BOC: variants seen among roughly 807,000 people sequenced by gnomAD.
BOC encodes the protein brother of CDO.
A neutral mutation model predicts 112.0 loss-of-function variants in BOC; 76 were observed. The ratio of observed to expected loss-of-function variants is 0.68; its 90% CI spans 0.56 to 0.82. BOC has a LOEUF of 0.82. Among genes scored for constraint, BOC ranks in the 40% least tolerant of loss-of-function variants. The pLI is 0.00. For missense variants in BOC, 1,309 were observed against 1,511.7 expected, an observed-to-expected ratio of 0.87 and a Z score of 2.22; for synonymous variants, 580 against 599.8, an observed-to-expected ratio of 0.97 and a Z score of 0.48.
intron 4 of BOC, among the ~76,000 whole-genome samples, chr3:113,264,452 A>G (rs2107581600): frequency 6.6e-6 from 1 of 152,272 alleles, no homozygotes; most frequent in East Asian, 1.9e-4. Context: ...TGCTAACCCT[A>G]TTTGTAATTG....
In BOC at chr3:113,274,680, A is replaced by C. The variant is rs1948481244; in HGVS notation, c.1540A>C (p.Lys514Gln). ...PILYYVVKHRKQVTNSSDDWT... is the reference protein window; with the variant it reads ...PILYYVVKHRQQVTNSSDDWT... ...CCTCTACTATGTGGTGAAACACCGC[A>C]AGGTATGGCCCTGGTGTGGGGCTGC... Residue 514 changes from lysine to glutamine, a missense_variant and splice_region_variant, in exon 9 of 20, where the codon AAG becomes CAG. By Grantham distance (53) the Lys-to-Gln change is moderately conservative. Coordinates refer to ENST00000682979, the MANE Select transcript of BOC (RefSeq NM_001378074.1). The surrounding 1 kb of genome is among the most constrained non-coding windows in gnomAD (Gnocchi z 4.8). 6.3e-7 allele frequency: 1 copy of C among 1,589,802 alleles called. No individual in the cohort carries two copies. The highest frequency in any genetic ancestry group is 1.3e-5 in the African/African-American group (1 of 74,578).
chr3:113,246,389 A>C (rs1944923701), intron 2 of BOC, among the ~76,000 whole-genome samples: 1 of 152,188 alleles, frequency 6.6e-6, no homozygotes, highest in Non-Finnish European at 1.5e-5. Flanking sequence ...TGTTGCCTTC[A>C]CCCAACTTTG....
At chr3:113,258,253 G>C (rs1223434835) in intron 4 of BOC, among the ~76,000 whole-genome samples, 1 of 152,112 alleles carries the variant, frequency 6.6e-6, no homozygotes, top group Non-Finnish European at 1.5e-5. Flanking sequence ...GCCCAGTTCA[G>C]TTTCTCGGAT....
At position 113,272,446 on chromosome 3, in the gene BOC, C is replaced by G. The variant is rs370790157; in HGVS notation, c.704C>G (p.Pro235Arg). ...TAEAARIIYP[P>R]EAQTIIVTKG... ...GAGGCTGCCCGCATCATCTACCCCC[C>G]AGAGGCCCAAACCATCATCGTCACC... Residue 235 changes from proline (P) to arginine (R), a missense_variant, in exon 7 of 20, where the codon CCA (proline) becomes CGA (arginine). By Grantham distance (103) the Pro-to-Arg change is moderately radical. Coordinates refer to ENST00000682979, the MANE Select transcript of BOC (RefSeq NM_001378074.1). The G allele has an allele frequency of 6.2e-7, 1 of 1,614,110 alleles. No individual in the cohort carries two copies. Among genetic ancestry groups the G allele is most frequent in the Admixed American group, 1.7e-5 (1 of 60,026 alleles).
At chr3:113,212,759 T>A (rs942142507) in intron 1 of BOC, 1 of 152,426 alleles carries the variant, frequency 6.6e-6, no homozygotes, top group African/African-American at 2.4e-5. Context: ...CGTGTGTGCG[T>A]GTTCGCGCCA....
chr3:113,265,694 T>C (rs1235281454), intron 4 of BOC, among the ~76,000 whole-genome samples: 1 of 152,246 alleles, frequency 6.6e-6, no homozygotes, highest in Non-Finnish European at 1.5e-5. Flanking sequence ...ATTAGCTATC[T>C]TGGCTGAGAG....
In BOC at chr3:113,283,458, G is replaced by A. The variant is rs371936128; in HGVS notation, c.2482G>A (p.Ala828Thr). The A allele has an allele frequency of 1.9e-5, 31 of 1,613,092 alleles. No individual in the cohort carries two copies. In the Middle Eastern group the frequency reaches 6.6e-4, roughly 34 times the overall value. ...QPGRLPPPTLAPPQPPLPETI... is the reference protein window; with the variant it reads ...QPGRLPPPTLTPPQPPLPETI... The stretch of plus-strand genomic sequence containing the variant: ...TGGTCGACTGCCACCCCCAACTCTG[G>A]CCCCACCACAGCCGCCCCTTCCTGA... Residue 828 changes from alanine (A) to threonine (T), a missense_variant, in exon 16 of 20, where the codon GCC becomes ACC. Coordinates refer to ENST00000682979, the MANE Select transcript of BOC (RefSeq NM_001378074.1).
At chr3:113,250,946 T>C in intron 4 of BOC, 113 bp downstream of exon 4, 1 of 1,332,832 alleles carries the variant, frequency 7.5e-7, no homozygotes, top group Non-Finnish European at 1.0e-6. Context: ...AAATGGGCCT[T>C]AACTGCAGAA....
chr3:113,272,592 C>T lies in BOC; in HGVS notation c.850C>T (p.Leu284Phe), dbSNP rs1003778750. Residue 284 changes from leucine to phenylalanine, a missense_variant, in exon 7 of 20, where the codon CTC (leucine) becomes TTC (phenylalanine). By Grantham distance (22) the Leu-to-Phe change is conservative (BLOSUM62 0). Transcript: ENST00000682979. ...YNKTRFLLSN[L>F]LIDTTSEEDS... ...CAAGACGCGCTTCCTGCTGAGCAACCTCCTCATCGACACCACCAGCGAGGA... is the reference window on the plus strand; with the variant it reads ...CAAGACGCGCTTCCTGCTGAGCAACTTCCTCATCGACACCACCAGCGAGGA... 1 of 1,613,934 alleles carries T rather than the reference C, an allele frequency of 6.2e-7. No individual in the cohort carries two copies. The highest frequency in any genetic ancestry group is 1.3e-5 in the African/African-American group (1 of 74,872).
rs143653499 is a variant in BOC, at chr3:113,287,249, G to A, written c.*387G>A. 2.0e-5 allele frequency: 7 copies of A among 351,778 alleles called. No homozygotes were observed. The East Asian group carries it at 5.3e-4, about 27-fold the overall frequency. The allele number at this position is 351,778 out of a possible 1,614,324, so 21.8% of individuals were successfully genotyped here. A position where few individuals can be genotyped will look rare whatever the true frequency, so the allele number is the denominator to read the frequency against. ...GCATGAGGGAACAGCAAGGGGCACG[G>A]TATCACAGCCTGGAGACACCCACAC... is the stretch of plus-strand genomic sequence containing the variant. On this transcript the variant is annotated 3_prime_UTR_variant, in exon 20 of 20. Transcript: ENST00000682979.
Position 113,278,830 on chromosome 3 carries a change from G to A in BOC, c.1816+47G>A. ...CGGACGCGCAGTCAGGACTGGAACT[G>A]CCTCAGAGGCCTGTTCCCATGGCTG... On this transcript the variant is annotated intron_variant, in intron 11 of 19. Coordinates refer to ENST00000682979, the MANE Select transcript of BOC (RefSeq NM_001378074.1). The surrounding 1 kb of genome is among the most constrained non-coding windows in gnomAD (Gnocchi z 4.2). The A allele has an allele frequency of 6.7e-7, 1 of 1,490,362 alleles. No homozygotes were observed. Among genetic ancestry groups the A allele is most frequent in the Non-Finnish European group, 9.2e-7 (1 of 1,092,860 alleles). The allele number at this position is 1,490,362 out of a possible 1,614,324, so 92.3% of individuals were successfully genotyped here. A position where few individuals can be genotyped will look rare whatever the true frequency, so the allele number is the denominator to read the frequency against.
At chr3:113,271,394 C>A in intron 6 of BOC, 1 of 354,154 alleles carries the variant, frequency 2.8e-6, no homozygotes, top group Non-Finnish European at 5.6e-6. Context: ...TGCCCTGCAC[C>A]ACCCTCTGGT....
Position 113,249,225 on chromosome 3 carries a change from T to TG in BOC, c.-81-496dup, listed in dbSNP as rs554614165. On this transcript the variant is annotated intron_variant, in intron 2 of 19. Transcript: ENST00000682979. The stretch of plus-strand genomic sequence containing the variant: ...GATTCATTCACTTAGTAGCATTCCC[T>TG]GCAAGGGCGTTCTGTATGCATCACA... 4.9e-3 allele frequency among the ~76,000 whole-genome samples: 748 copies of TG among 152,358 alleles called. 2 individuals are homozygous for TG. Among genetic ancestry groups the TG allele is most frequent in the African/African-American group, 0.016 (677 of 41,584 alleles).
Position 113,230,707 on chromosome 3 carries a change from A to G in BOC, c.-82+14433A>G, listed in dbSNP as rs138298321. The stretch of plus-strand genomic sequence containing the variant: ...CTTTTTGTTGTAAATATATGCCTCA[A>G]TCCCATGTTGCAACAAAATCTAGTG... On this transcript the variant is annotated intron_variant, in intron 2 of 19. Transcript: ENST00000682979. 2.0e-3 allele frequency among the ~76,000 whole-genome samples: 303 copies of G among 152,340 alleles called. 2 individuals are homozygous for G. The highest frequency in any genetic ancestry group is 7.0e-3 in the African/African-American group (291 of 41,576).
chr3:113,273,365 G>T (rs1202381893), intron 8 of BOC, 24 bp downstream of exon 8: 1 of 1,562,754 alleles, frequency 6.4e-7, no homozygotes, highest in Non-Finnish European at 8.7e-7. Flanking sequence ...AGGGGTCTGA[G>T]ATTCCAGCTG....
In BOC at chr3:113,281,049, CCAT is replaced by C; in HGVS notation, c.2333_2335del (p.Ile778del). 6.2e-7 allele frequency: 1 copy of C among 1,614,106 alleles called. No individual in the cohort carries two copies. The highest frequency in any genetic ancestry group is 8.5e-7 in the Non-Finnish European group (1 of 1,180,022). On this transcript the variant is annotated inframe_deletion, in exon 15 of 20. Transcript: ENST00000682979. ...TTCCCAGGGGACAAGTACTGGCACT[CCAT>C]CAGCCACCTGCAGCCAGAGACCTCC...
chr3:113,285,580 C>A lies in BOC; in HGVS notation c.3160+15C>A. ...ATTTCACTCAGGTTGGTTCCAGGAG[C>A]AGGGCAGGGAAATTAAACAGGCTGG... is the stretch of plus-strand genomic sequence containing the variant. On this transcript the variant is annotated intron_variant, in intron 19 of 19. Coordinates refer to ENST00000682979, the MANE Select transcript of BOC (RefSeq NM_001378074.1). 1 of 1,554,336 alleles carries A rather than the reference C, an allele frequency of 6.4e-7. No homozygotes were observed.
At chr3:113,277,171 G>C (rs1428014426) in intron 9 of BOC, among the ~76,000 whole-genome samples, 1 of 152,220 alleles carries the variant, frequency 6.6e-6, no homozygotes, top group Non-Finnish European at 1.5e-5. Flanking sequence ...TGAAATGATA[G>C]AAACTGCACT....
rs573234420 is a variant in BOC at position 113,286,530 on chromosome 3, G to C, written c.3161-145G>C. Reference sequence around the variant, plus strand: ...GAGAGACCTTGGAGGGAACAGAAGTGCCCTTGTCTCGGTTGTAGGTTTCTG... The same window carrying C: ...GAGAGACCTTGGAGGGAACAGAAGTCCCCTTGTCTCGGTTGTAGGTTTCTG... On this transcript the variant is annotated intron_variant, in intron 19 of 19. Transcript: ENST00000682979. The C allele has an allele frequency of 5.8e-4, 408 of 709,470 alleles. 5 individuals are homozygous for C. In the South Asian group the frequency reaches 0.01, roughly 18 times the overall value. The allele number at this position is 709,470 out of a possible 1,614,324, so 43.9% of individuals were successfully genotyped here. A position where few individuals can be genotyped will look rare whatever the true frequency, so the allele number is the denominator to read the frequency against.
Sources: allele counts gnomAD v4.1 joint callset (sites outside exome capture counted in the v4.1 genomes callset), GRCh38; gene constraint gnomAD v4.1.1; non-coding constraint Gnocchi (gnomAD v3.1); transcripts MANE v1.5; gene names NCBI Gene and HGNC (gene_info 2026-07-23, HGNC 2026-07-21).